Variants in PARD3 observed in about 807,000 individuals in gnomAD.
The protein encoded by PARD3 is partitioning defective 3 homolog.
Under a neutral mutation model 155.4 loss-of-function variants are expected in PARD3, and 75 were observed. The ratio of observed to expected loss-of-function variants is 0.48; its 90% confidence interval spans 0.40 to 0.58. PARD3 has a LOEUF of 0.58. Ranked by LOEUF, PARD3 falls within the 20% of genes least tolerant of loss-of-function variation. PARD3 has a pLI of 0.00. For synonymous variants in PARD3, 576 were observed against 610.5 expected, an observed-to-expected ratio of 0.94 and a Z score of 0.83; for missense variants, 1,642 against 1,721.7, an observed-to-expected ratio of 0.95 and a Z score of 0.82.
At chr10:34,374,758 A>G (rs1361159186) in intron 11 of PARD3, 116 bp downstream of exon 11, 4 of 970,080 alleles carry the variant, frequency 4.1e-6, no homozygotes, top group South Asian at 1.6e-5. Flanking sequence ...TGAAAGAAAT[A>G]TAAGATCTAG....
intron 22 of PARD3, among the ~76,000 whole-genome samples, chr10:34,239,169 G>A (rs1186537635): frequency 6.6e-6 from 1 of 152,230 alleles, no homozygotes; most frequent in Non-Finnish European, 1.5e-5. Context: ...AATTCTTAAA[G>A]AGAACTGGTG....
At chr10:34,190,085 A>G (rs1950641531) in intron 22 of PARD3, among the ~76,000 whole-genome samples, 1 of 152,222 alleles carries the variant, frequency 6.6e-6, no homozygotes, top group Admixed American at 6.5e-5. Flanking sequence ...CAAAAGGGCT[A>G]TTGGAGGTGC....
At chr10:34,746,101 CA>C (rs1416025772) in intron 1 of PARD3, among the ~76,000 whole-genome samples, 1 of 150,828 alleles carries the variant, frequency 6.6e-6, no homozygotes, top group Non-Finnish European at 1.5e-5. Flanking sequence ...GACTCCATCT[CA>C]AAAAACAAAA....
chr10:34,611,450 C>T (rs1024434297), intron 2 of PARD3, among the ~76,000 whole-genome samples: 3 of 152,142 alleles, frequency 2.0e-5, no homozygotes, highest in Admixed American at 1.3e-4. Context: ...AAAAGGAACG[C>T]AGAGCATACA....
At chr10:34,684,774 TACATACACAC>T (rs1242919573) in intron 2 of PARD3, among the ~76,000 whole-genome samples, 9 of 109,130 alleles carry the variant, frequency 8.2e-5, no homozygotes, top group Non-Finnish European at 1.1e-4. Context: ...GGCTTGATGA[TACATACACAC>T]ACACACACAC....
chr10:34,657,166 G>A (rs2093192350), intron 2 of PARD3, among the ~76,000 whole-genome samples: 1 of 152,076 alleles, frequency 6.6e-6, no homozygotes, highest in Admixed American at 6.5e-5. Flanking sequence ...CAGCACCTCT[G>A]GGAGGGCTGA....
intron 2 of PARD3, among the ~76,000 whole-genome samples, chr10:34,528,619 T>C (rs938787636): frequency 6.6e-6 from 1 of 152,198 alleles, no homozygotes; most frequent in African/African-American, 2.4e-5. Context: ...AAGTAGCAAG[T>C]TTTTAAGAAA....
intron 22 of PARD3, among the ~76,000 whole-genome samples, chr10:34,155,332 A>G (rs1948954931): frequency 6.6e-6 from 1 of 152,228 alleles, no homozygotes; most frequent in Non-Finnish European, 1.5e-5. Context: ...CCCCACCAAA[A>G]TGCCAGCAAA....
intron 23 of PARD3, among the ~76,000 whole-genome samples, chr10:34,126,074 C>T (rs543039975): frequency 6.6e-6 from 1 of 152,334 alleles, no homozygotes; most frequent in South Asian, 2.1e-4. Context: ...TTTAAAGCAA[C>T]TTGCTGCTTT....
chr10:34,269,630 A>T, intron 22 of PARD3, 27 bp downstream of exon 22: 1 of 1,608,728 alleles, frequency 6.2e-7, no homozygotes, highest in Non-Finnish European at 8.5e-7. Flanking sequence ...ATTTGGAAGC[A>T]ATACCACGAT....
intron 2 of PARD3, among the ~76,000 whole-genome samples, chr10:34,617,797 G>T (rs995002074): frequency 2.6e-5 from 4 of 152,158 alleles, no homozygotes; most frequent in Non-Finnish European, 5.9e-5. Flanking sequence ...CTAAAGGGAT[G>T]CCTCCTTCAA....
chr10:34,438,248 T>C (rs1256376408), intron 5 of PARD3, among the ~76,000 whole-genome samples: 13 of 152,214 alleles, frequency 8.5e-5, no homozygotes, highest in Admixed American at 8.5e-4. Flanking sequence ...CTCTCCATCA[T>C]ATCAAGATTT....
intron 3 of PARD3, among the ~76,000 whole-genome samples, chr10:34,489,270 G>C (rs1254109249): frequency 6.6e-6 from 1 of 152,138 alleles, no homozygotes; most frequent in East Asian, 1.9e-4. Flanking sequence ...GTTTGAACTG[G>C]AAGGCCAATA....
intron 23 of PARD3, among the ~76,000 whole-genome samples, chr10:34,125,947 AC>A (rs761721820): frequency 6.6e-6 from 1 of 152,196 alleles, no homozygotes; most frequent in Non-Finnish European, 1.5e-5. Context: ...GGCATACTGT[AC>A]TTACGTCTGC....
chr10:34,590,225 G>C (rs1055894653), intron 2 of PARD3, among the ~76,000 whole-genome samples: 1 of 152,136 alleles, frequency 6.6e-6, no homozygotes, highest in African/African-American at 2.4e-5. Context: ...CTAAAGGAGG[G>C]GCAGGACTCA....
intron 1 of PARD3, among the ~76,000 whole-genome samples, chr10:34,698,073 C>A (rs139151379): frequency 3.3e-5 from 5 of 152,104 alleles, no homozygotes; most frequent in African/African-American, 1.2e-4. Flanking sequence ...CCTCTTCCCA[C>A]CAAGCAAGCT....
intron 2 of PARD3, among the ~76,000 whole-genome samples, chr10:34,624,243 G>A (rs967407244): frequency 6.6e-6 from 1 of 152,134 alleles, no homozygotes; most frequent in Non-Finnish European, 1.5e-5. Flanking sequence ...CAAGTTAAAC[G>A]GCCCTTTCTG....
chr10:34,657,149 G>A (rs557858207), intron 2 of PARD3, among the ~76,000 whole-genome samples: 7 of 152,058 alleles, frequency 4.6e-5, no homozygotes, highest in Middle Eastern at 3.4e-3. Context: ...GCTCATGTCC[G>A]TAATTCCAGC....
Position 34,372,552 on chromosome 10 carries a change from A to G in PARD3, c.1669-16T>C. 6.3e-7 allele frequency: 1 copy of G among 1,591,744 alleles called. No homozygotes were observed. Among genetic ancestry groups the G allele is most frequent in the Non-Finnish European group, 8.6e-7 (1 of 1,159,938 alleles). ...GCTCTGCATTCTAGAAGAATTGAAGAAAAACATAAATACAGACTGACCAAA... is the reference window on the plus strand; with the variant it reads ...GCTCTGCATTCTAGAAGAATTGAAGGAAAACATAAATACAGACTGACCAAA... On this transcript the variant is annotated splice_polypyrimidine_tract_variant and intron_variant, in intron 11 of 24. Coordinates refer to ENST00000374788, the MANE Select transcript of PARD3 (RefSeq NM_001184785.2).
Sources: allele counts gnomAD v4.1 joint callset (sites outside exome capture counted in the v4.1 genomes callset), GRCh38; gene constraint gnomAD v4.1.1; transcripts MANE v1.5; gene names NCBI Gene and HGNC (gene_info 2026-07-23, HGNC 2026-07-21).